Variants in ZNF646 observed in about 807,000 individuals in gnomAD.
The protein encoded by ZNF646 is zinc finger protein 646.
ZNF646 carries 49 observed loss-of-function variants against 115.4 expected under a neutral mutation model. That is an observed-to-expected ratio of 0.42 (90% CI 0.34 to 0.54). ZNF646 has a LOEUF of 0.54. Ranked by LOEUF, ZNF646 falls within the 20% of genes least tolerant of loss-of-function variation. ZNF646 has a pLI of 0.04. For synonymous variants in ZNF646, 933 were observed against 939.0 expected (o/e 0.99, Z 0.12); for missense variants, 2,269 against 2,457.9 (o/e 0.92, Z 1.62).
Position 31,079,590 on chromosome 16 carries a change from C to G in ZNF646, c.3266C>G (p.Pro1089Arg). ...TGCCCTGTCTGCTCCCGCTGCTACC[C>G]CAACCTGGCTGCCTACCGTAATCAT... is the stretch of plus-strand genomic sequence containing the variant. ...FLCPVCSRCYPNLAAYRNHLR... is the reference protein window; with the variant it reads ...FLCPVCSRCYRNLAAYRNHLR... Residue 1089 changes from proline to arginine, a missense_variant, in exon 2 of 3, where the codon CCC (proline) becomes CGC (arginine). Pro to Arg is a moderately radical substitution (Grantham distance 103). Around this residue, in one of 5 missense-constraint regions of ZNF646, gnomAD observed 1,062 missense variants for 1,172.8 expected, o/e 0.91. Coordinates refer to ENST00000300850, the MANE Select transcript of ZNF646 (RefSeq NM_014699.4). The surrounding 1 kb of genome is among the most constrained non-coding windows in gnomAD (Gnocchi z 5.5). 6.2e-7 allele frequency: 1 copy of G among 1,613,398 alleles called. No homozygotes were observed. The highest frequency in any genetic ancestry group is 1.1e-5 in the South Asian group (1 of 91,080).
In ZNF646 at chr16:31,076,247, C is replaced by T. The variant is rs1168802728; in HGVS notation, c.-78C>T. The T allele has an allele frequency of 2.6e-6, 4 of 1,528,404 alleles. No individual in the cohort carries two copies. Among genetic ancestry groups the T allele is most frequent in the Non-Finnish European group, 3.5e-6 (4 of 1,135,320 alleles). The allele number at this position is 1,528,404 out of a possible 1,614,324, so 94.7% of individuals were successfully genotyped here. ...TTGACCACTGCCCCCTCTTCCTAGGCCTTGGCCCCTCCACCAGAGGAAGGT... is the reference window on the plus strand; with the variant it reads ...TTGACCACTGCCCCCTCTTCCTAGGTCTTGGCCCCTCCACCAGAGGAAGGT... On this transcript the variant is annotated splice_region_variant and 5_prime_UTR_variant, in exon 2 of 3. Coordinates refer to ENST00000300850, the MANE Select transcript of ZNF646 (RefSeq NM_014699.4).
Position 31,081,226 on chromosome 16 carries a change from TCTC to T in ZNF646, c.4904_4906del (p.Leu1635del). On this transcript the variant is annotated inframe_deletion, in exon 2 of 3. Coordinates refer to ENST00000300850, the MANE Select transcript of ZNF646 (RefSeq NM_014699.4). ...CCGGGACTGGGGAGGACCAGGTGGTTCTCCCTGGTCAAGGGAAAGCCCAGGAGG... is the reference window on the plus strand; with the variant it reads ...CCGGGACTGGGGAGGACCAGGTGGTTCCTGGTCAAGGGAAAGCCCAGGAGG... The T allele has an allele frequency of 6.3e-7, 1 of 1,589,846 alleles. No individual in the cohort carries two copies. The highest frequency in any genetic ancestry group is 8.6e-7 in the Non-Finnish European group (1 of 1,166,508).
Position 31,081,549 on chromosome 16 carries a change from G to A in ZNF646, c.5225G>A (p.Arg1742Gln), listed in dbSNP as rs757449364. Residue 1742 changes from arginine (R) to glutamine (Q), a missense_variant, in exon 2 of 3, where the codon CGG becomes CAG. Physicochemically the swap from Arg to Gln is conservative, Grantham distance 43. Around this residue, in one of 5 missense-constraint regions of ZNF646, gnomAD observed 1,062 missense variants for 1,172.8 expected, o/e 0.91. Coordinates refer to ENST00000300850, the MANE Select transcript of ZNF646 (RefSeq NM_014699.4). ...TGCAGCATCTGTGGCAAGGCCTTTCGGACAGCTGCCCGGCTGGAGGGCCAC... is the reference window on the plus strand; with the variant it reads ...TGCAGCATCTGTGGCAAGGCCTTTCAGACAGCTGCCCGGCTGGAGGGCCAC... ...HCCSICGKAF[R>Q]TAARLEGHGR... 6.8e-6 allele frequency: 11 copies of A among 1,613,890 alleles called. No individual in the cohort carries two copies. The highest frequency in any genetic ancestry group is 6.6e-5 in the South Asian group (6 of 91,086).
rs547056020 is a variant in ZNF646 at position 31,081,653 on chromosome 16, G to T, written c.5329G>T (p.Val1777Leu). 2 of 1,606,202 alleles carry T rather than the reference G, an allele frequency of 1.2e-6. No individual in the cohort carries two copies. The highest frequency in any genetic ancestry group is 8.5e-7 in the Non-Finnish European group (1 of 1,175,522). The change falls in exon 2 of 3, where the codon GTG becomes TTG. Residue 1777 changes from valine to leucine, a missense_variant. Val to Leu is a conservative substitution (Grantham distance 32). Around this residue, in one of 5 missense-constraint regions of ZNF646, gnomAD observed 1,062 missense variants for 1,172.8 expected, o/e 0.91. Coordinates refer to ENST00000300850, the MANE Select transcript of ZNF646 (RefSeq NM_014699.4). ...CCACTTCCGCCGCCGAATCAGCTTC[G>T]TGCAGCACCAGCAGCAGCACCAGGA... Reference protein sequence around the residue: ...PRHFRRRISFVQHQQQHQEEW... With the variant: ...PRHFRRRISFLQHQQQHQEEW...
Position 31,079,447 on chromosome 16 carries a change from G to A in ZNF646, c.3123G>A (p.Gly1041=), listed in dbSNP as rs1452600849. 1 of 1,613,796 alleles carries A rather than the reference G, an allele frequency of 6.2e-7. No homozygotes were observed. Among genetic ancestry groups the A allele is most frequent in the Admixed American group, 1.7e-5 (1 of 60,018 alleles). ...GAGACAGCCTCTGCATCCAGGGTGGGGAAAGTTTGTTGGAGGCTCAGCCCC... is the reference window on the plus strand; with the variant it reads ...GAGACAGCCTCTGCATCCAGGGTGGAGAAAGTTTGTTGGAGGCTCAGCCCC... ...PLGDSLCIQG[G]ESLLEAQPRP... is the part of the protein sequence containing the mutation. The change falls in exon 2 of 3, where the codon GGG becomes GGA. Residue 1041 remains glycine, a synonymous_variant. Coordinates refer to ENST00000300850, the MANE Select transcript of ZNF646 (RefSeq NM_014699.4). This position sits in a 1 kb window ranked among gnomAD's most constrained non-coding sequence, Gnocchi z 5.5.
At chr16:31,074,415 G>C (rs2057049792), upstream of ZNF646, 1 of 152,280 alleles carries the variant, frequency 6.6e-6, no homozygotes. Flanking sequence ...GACACTTCCT[G>C]TTTCCTAGTA....
Position 31,080,430 on chromosome 16 carries a change from G to A in ZNF646, c.4106G>A (p.Cys1369Tyr). 1 of 1,613,256 alleles carries A rather than the reference G, an allele frequency of 6.2e-7. No individual in the cohort carries two copies. The highest frequency in any genetic ancestry group is 8.5e-7 in the Non-Finnish European group (1 of 1,179,938). ...CGCACAGCTGTGCGTTGCGCCCTCT[G>A]TGGCCGCAGCTTCCCTGGCCGGGGA... is the stretch of plus-strand genomic sequence containing the variant. ...SRRTAVRCAL[C>Y]GRSFPGRGSL... The change falls in exon 2 of 3, where the codon TGT becomes TAT. Residue 1369 changes from cysteine (C) to tyrosine (Y), a missense_variant. Physicochemically the swap from Cys to Tyr is radical, Grantham distance 194. Coordinates refer to ENST00000300850, the MANE Select transcript of ZNF646 (RefSeq NM_014699.4).
rs769112552 is a variant in ZNF646 at position 31,079,378 on chromosome 16, G to T, written c.3054G>T (p.Glu1018Asp). 12 of 1,614,152 alleles carry T rather than the reference G, an allele frequency of 7.4e-6. 1 individual carries two copies. The South Asian group carries it at 1.3e-4, about 18-fold the overall frequency. ...LEDIVNSVSG[E>D]GGDAKSQEGA... The stretch of plus-strand genomic sequence containing the variant: ...ACATAGTGAATTCTGTCTCTGGAGA[G>T]GGTGGAGATGCCAAGTCTCAAGAGG... Residue 1018 changes from glutamate (E) to aspartate (D), a missense_variant, in exon 2 of 3, where the codon GAG becomes GAT. By Grantham distance (45) the Glu-to-Asp change is conservative. Around this residue, in one of 5 missense-constraint regions of ZNF646, gnomAD observed 1,062 missense variants for 1,172.8 expected, o/e 0.91. Coordinates refer to ENST00000300850, the MANE Select transcript of ZNF646 (RefSeq NM_014699.4). The surrounding 1 kb of genome is among the most constrained non-coding windows in gnomAD (Gnocchi z 5.5).
Position 31,081,568 on chromosome 16 carries a change from G to C in ZNF646, c.5244G>C (p.Glu1748Asp), listed in dbSNP as rs1182194679. 1 of 1,613,560 alleles carries C rather than the reference G, an allele frequency of 6.2e-7. No homozygotes were observed. Among genetic ancestry groups the C allele is most frequent in the Admixed American group, 1.7e-5 (1 of 60,022 alleles). Reference protein sequence around the residue: ...GKAFRTAARLEGHGRVHAPRE... With the variant: ...GKAFRTAARLDGHGRVHAPRE... ...CCTTTCGGACAGCTGCCCGGCTGGA[G>C]GGCCACGGGCGGGTCCATGCACCCC... The change falls in exon 2 of 3, where the codon GAG becomes GAC. Residue 1748 changes from glutamate (E) to aspartate (D), a missense_variant. By Grantham distance (45) the Glu-to-Asp change is conservative. Around this residue, in one of 5 missense-constraint regions of ZNF646, gnomAD observed 1,062 missense variants for 1,172.8 expected, o/e 0.91. Transcript: ENST00000300850.
rs758367610 is a variant in ZNF646, at chr16:31,083,862, C to G, written c.*770C>G. ...GTCCTCATCCTCACGGCTTTGGTCCCTCCCTCCCTCCCCATTCCTCGAAGG... is the reference window on the plus strand; with the variant it reads ...GTCCTCATCCTCACGGCTTTGGTCCGTCCCTCCCTCCCCATTCCTCGAAGG... On this transcript the variant is annotated 3_prime_UTR_variant, in exon 3 of 3. Transcript: ENST00000300850. 6.3e-7 allele frequency: 1 copy of G among 1,594,170 alleles called. No homozygotes were observed. The highest frequency in any genetic ancestry group is 8.6e-7 in the Non-Finnish European group (1 of 1,164,638).
At position 31,083,145 on chromosome 16, in the gene ZNF646, G is replaced by A. The variant is rs2057187643; in HGVS notation, c.*53G>A. The A allele has an allele frequency of 6.4e-7, 1 of 1,564,122 alleles. No homozygotes were observed. The highest frequency in any genetic ancestry group is 2.3e-5 in the East Asian group (1 of 42,570). The stretch of plus-strand genomic sequence containing the variant: ...GGGGGAGGGAGCGCGTGCAGGGAGG[G>A]GCTTGATCTCCACATTTTCTCAGGA... On this transcript the variant is annotated 3_prime_UTR_variant, in exon 3 of 3. Transcript: ENST00000300850.
In ZNF646 at chr16:31,080,233, G is replaced by A. The variant is rs1239885814; in HGVS notation, c.3909G>A (p.Gln1303=). ...AAGATCGGCCCTTCCGCTGTGGGCAGTGCGGGCGGACCTATCGCCACGCCG... is the reference window on the plus strand; with the variant it reads ...AAGATCGGCCCTTCCGCTGTGGGCAATGCGGGCGGACCTATCGCCACGCCG... ...TREDRPFRCG[Q]CGRTYRHAGS... Residue 1303 remains glutamine (Q), a synonymous_variant, in exon 2 of 3, where the codon CAG becomes CAA. Transcript: ENST00000300850. 6.2e-7 allele frequency: 1 copy of A among 1,611,994 alleles called. No homozygotes were observed. Among genetic ancestry groups the A allele is most frequent in the South Asian group, 1.1e-5 (1 of 91,008 alleles).
chr16:31,079,767 A>G lies in ZNF646; in HGVS notation c.3443A>G (p.Glu1148Gly). ...GCAGAGGAGGGGCCGGGGCAAGCAG[A>G]AGTCGAGAAGCTCCAGGAAGAACTT... is the stretch of plus-strand genomic sequence containing the variant. ...HMAEEGPGQA[E>G]VEKLQEELKV... The change falls in exon 2 of 3, where the codon GAA becomes GGA. Residue 1148 changes from glutamate (E) to glycine (G), a missense_variant. This residue lies in a region of ZNF646 where 1,062 missense variants were observed against 1,172.8 expected (regional missense o/e 0.91). Transcript: ENST00000300850. This position sits in a 1 kb window ranked among gnomAD's most constrained non-coding sequence, Gnocchi z 5.5. 1 of 1,613,562 alleles carries G rather than the reference A, an allele frequency of 6.2e-7. No homozygotes were observed. Among genetic ancestry groups the G allele is most frequent in the Non-Finnish European group, 8.5e-7 (1 of 1,179,940 alleles).
chr16:31,083,527 T>G lies in ZNF646; in HGVS notation c.*435T>G, dbSNP rs2057193112. 3.6e-6 allele frequency: 5 copies of G among 1,372,168 alleles called. No homozygotes were observed. The highest frequency in any genetic ancestry group is 3.8e-6 in the Non-Finnish European group (4 of 1,059,664). The allele number at this position is 1,372,168 out of a possible 1,614,324, so 85.0% of individuals were successfully genotyped here. A position where few individuals can be genotyped will look rare whatever the true frequency, so the allele number is the denominator to read the frequency against. ...TTTCAAAACAACGTGGCTGGCGTGA[T>G]TGTATCTGAAAGGGTAAAGGAGGAG... On this transcript the variant is annotated 3_prime_UTR_variant, in exon 3 of 3. Coordinates refer to ENST00000300850, the MANE Select transcript of ZNF646 (RefSeq NM_014699.4).
At position 31,076,531 on chromosome 16, in the gene ZNF646, C is replaced by T. The variant is rs1393445324; in HGVS notation, c.207C>T (p.Thr69=). The T allele has an allele frequency of 5.0e-6, 8 of 1,613,258 alleles. No individual in the cohort carries two copies. The highest frequency in any genetic ancestry group is 8.5e-7 in the Non-Finnish European group (1 of 1,179,456). ...HPGSLVNHRR[T]HETGLFPCTT... is the part of the protein sequence containing the mutation. ...GGAGCCTGGTTAACCATCGTCGGACCCACGAGACTGGCCTTTTCCCCTGTA... is the reference window on the plus strand; with the variant it reads ...GGAGCCTGGTTAACCATCGTCGGACTCACGAGACTGGCCTTTTCCCCTGTA... Residue 69 remains threonine, a synonymous_variant, in exon 2 of 3, where the codon ACC becomes ACT. Transcript: ENST00000300850.
In ZNF646 at chr16:31,080,451, G is replaced by A. The variant is rs376180517; in HGVS notation, c.4127G>A (p.Arg1376Gln). 58 of 1,613,254 alleles carry A rather than the reference G, an allele frequency of 3.6e-5. No individual in the cohort carries two copies. Among genetic ancestry groups the A allele is most frequent in the East Asian group, 4.5e-5 (2 of 44,900 alleles). The change falls in exon 2 of 3, where the codon CGG becomes CAG. Residue 1376 changes from arginine to glutamine, a missense_variant. By Grantham distance (43) the Arg-to-Gln change is conservative (BLOSUM62 1). Transcript: ENST00000300850. ...CTCTGTGGCCGCAGCTTCCCTGGCC[G>A]GGGATCTTTGGAGCGGCACCTGCGG... is the stretch of plus-strand genomic sequence containing the variant. ...CALCGRSFPGRGSLERHLREH... is the reference protein window; with the variant it reads ...CALCGRSFPGQGSLERHLREH...
chr16:31,072,963 TGG>T (rs2057027706), upstream of ZNF646: 7 of 152,314 alleles, frequency 4.6e-5, no homozygotes, highest in Admixed American at 2.6e-4. Context: ...CACGCCGCTC[TGG>T]ACCTCAGTTT....
rs1371369717 is a variant in ZNF646 at position 31,083,851 on chromosome 16, G to A, written c.*759G>A. 6.8e-6 allele frequency: 11 copies of A among 1,613,276 alleles called. No individual in the cohort carries two copies. The South Asian group carries it at 7.7e-5, about 11-fold the overall frequency. On this transcript the variant is annotated 3_prime_UTR_variant, in exon 3 of 3. Transcript: ENST00000300850. Reference sequence around the variant, plus strand: ...AGGGTGGAGTTGTCCTCATCCTCACGGCTTTGGTCCCTCCCTCCCTCCCCA... The same window carrying A: ...AGGGTGGAGTTGTCCTCATCCTCACAGCTTTGGTCCCTCCCTCCCTCCCCA...
chr16:31,078,284 C>T lies in ZNF646; in HGVS notation c.1960C>T (p.His654Tyr), dbSNP rs768404020. The part of the protein sequence containing the change: ...FSCGACAKHF[H>Y]TMAAMKNHLR... ...TTGTGGGGCCTGTGCCAAGCACTTC[C>T]ACACCATGGCTGCCATGAAGAACCA... Residue 654 changes from histidine to tyrosine, a missense_variant, in exon 2 of 3, where the codon CAC becomes TAC. Physicochemically the swap from His to Tyr is moderately conservative, Grantham distance 83. This residue lies in a region of ZNF646 where 852 missense variants were observed against 900.2 expected (regional missense o/e 0.95). Transcript: ENST00000300850. 2 of 1,613,714 alleles carry T rather than the reference C, an allele frequency of 1.2e-6. No homozygotes were observed. The highest frequency in any genetic ancestry group is 2.2e-5 in the East Asian group (1 of 44,872).
Sources: allele counts gnomAD v4.1 joint callset, GRCh38; gene constraint gnomAD v4.1.1; regional missense constraint gnomAD v4.1.1; non-coding constraint Gnocchi (gnomAD v3.1); transcripts MANE v1.5; gene names NCBI Gene and HGNC (gene_info 2026-07-23, HGNC 2026-07-21).